ZEB1: variants seen among roughly 807,000 people sequenced by gnomAD.
ZEB1 encodes the protein zinc finger E-box binding homeobox 1, also known as zinc finger E-box-binding homeobox 1.
ZEB1 carries 21 observed loss-of-function variants against 84.9 expected under a neutral mutation model. The observed-to-expected ratio is 0.25, with a 90% CI of 0.18 to 0.36. The LOEUF is 0.36. ZEB1 is among the 10% of genes least tolerant of loss of function. ZEB1 has a pLI of 1.00. For synonymous variants in ZEB1, 420 were observed against 471.1 expected, an observed-to-expected ratio of 0.89 and a Z score of 1.41; for missense variants, 1,104 against 1,330.2, an observed-to-expected ratio of 0.83 and a Z score of 2.65.
At chr10:31,440,993 A>G (rs1373917052) in intron 1 of ZEB1, among the ~76,000 whole-genome samples, 22 of 152,212 alleles carry the variant, frequency 1.4e-4, no homozygotes, top group Admixed American at 2.0e-4. Flanking sequence ...AAGGTAATTT[A>G]TAGATTCAAT....
intron 1 of ZEB1, among the ~76,000 whole-genome samples, chr10:31,443,838 G>A (rs1022564104): frequency 4.0e-5 from 6 of 151,192 alleles, no homozygotes; most frequent in Admixed American, 3.9e-4. Flanking sequence ...TTGGCTCCAA[G>A]TCTTTGCTAT....
At chr10:31,506,339 A>T (rs1403746340) in intron 4 of ZEB1, among the ~76,000 whole-genome samples, 1 of 151,974 alleles carries the variant, frequency 6.6e-6, no homozygotes, top group Non-Finnish European at 1.5e-5. Context: ...TTTCTACATG[A>T]TCTGTCTAAT....
At chr10:31,348,695 T>G (rs2040779199) in intron 1 of ZEB1, among the ~76,000 whole-genome samples, 1 of 152,192 alleles carries the variant, frequency 6.6e-6, no homozygotes, top group Non-Finnish European at 1.5e-5. Flanking sequence ...GTGTGTAACT[T>G]TCCAAAAGAA....
At chr10:31,319,152 A>T, upstream of ZEB1, 1 of 276,666 alleles carries the variant, frequency 3.6e-6, no homozygotes, top group Non-Finnish European at 5.6e-6. Flanking sequence ...GGGAGGGGGG[A>T]GGGGTGGAGG....
chr10:31,419,323 G>A (rs544306758), intron 1 of ZEB1, among the ~76,000 whole-genome samples: 1 of 152,212 alleles, frequency 6.6e-6, no homozygotes, highest in South Asian at 2.1e-4. Context: ...GGAGAGGGAG[G>A]TAGAACCCAG....
At chr10:31,328,203 C>T (rs755658572) in intron 1 of ZEB1, among the ~76,000 whole-genome samples, 1 of 152,084 alleles carries the variant, frequency 6.6e-6, no homozygotes, top group Non-Finnish European at 1.5e-5. Flanking sequence ...ATGTCTAATG[C>T]ATCAGGAGTT....
intron 3 of ZEB1, among the ~76,000 whole-genome samples, chr10:31,497,805 A>T (rs2067461634): frequency 6.6e-6 from 1 of 152,108 alleles, no homozygotes; most frequent in South Asian, 2.1e-4. Flanking sequence ...CATTGAAAAC[A>T]TCCTTTGTTC....
chr10:31,481,491 G>A (rs2065034556), intron 2 of ZEB1, among the ~76,000 whole-genome samples: 1 of 151,882 alleles, frequency 6.6e-6, no homozygotes, highest in African/African-American at 2.4e-5. Context: ...AGAATAGTAA[G>A]TACACATAAA....
intron 1 of ZEB1, among the ~76,000 whole-genome samples, chr10:31,387,522 T>G (rs1011508420): frequency 6.6e-5 from 10 of 152,214 alleles, no homozygotes; most frequent in African/African-American, 2.4e-4. Context: ...CCTTCCAGTT[T>G]AGTCTGCATT....
intron 1 of ZEB1, among the ~76,000 whole-genome samples, chr10:31,423,042 GTA>G: frequency 6.6e-6 from 1 of 151,420 alleles, no homozygotes; most frequent in African/African-American, 2.4e-5. Flanking sequence ...TGGTGTGTGT[GTA>G]TATATATATA....
chr10:31,399,410 G>C (rs1180617102), intron 1 of ZEB1, among the ~76,000 whole-genome samples: 1 of 152,070 alleles, frequency 6.6e-6, no homozygotes, highest in Non-Finnish European at 1.5e-5. Flanking sequence ...CTTTTAATCA[G>C]CCTTGGTGTC....
chr10:31,457,208 A>T (rs2137286951), intron 1 of ZEB1, among the ~76,000 whole-genome samples: 1 of 152,256 alleles, frequency 6.6e-6, no homozygotes, highest in Non-Finnish European at 1.5e-5. Flanking sequence ...GGGTATAGAG[A>T]TCATTGGACA....
chr10:31,427,488 C>T (rs2057100520), intron 1 of ZEB1, among the ~76,000 whole-genome samples: 1 of 152,234 alleles, frequency 6.6e-6, no homozygotes, highest in Non-Finnish European at 1.5e-5. Context: ...TTCTCTCCCC[C>T]CACCTCCCTT....
upstream of ZEB1, chr10:31,319,077 G>A: frequency 1.5e-6 from 1 of 668,238 alleles, no homozygotes; most frequent in Non-Finnish European, 2.7e-6. Flanking sequence ...GCCGTAGAGC[G>A]AGAGCCTCTA....
chr10:31,403,521 A>C (rs190960133), intron 1 of ZEB1, among the ~76,000 whole-genome samples: 1 of 152,078 alleles, frequency 6.6e-6, no homozygotes, highest in Non-Finnish European at 1.5e-5. Flanking sequence ...TAGAGTGTCA[A>C]CATATTCAAT....
chr10:31,392,541 G>C (rs2049942096), intron 1 of ZEB1, among the ~76,000 whole-genome samples: 1 of 152,004 alleles, frequency 6.6e-6, no homozygotes, highest in Admixed American at 6.6e-5. Context: ...TTTAGAAATG[G>C]TAAGTAAGCA....
chr10:31,377,300 G>A (rs1415855909), intron 1 of ZEB1, among the ~76,000 whole-genome samples: 1 of 151,510 alleles, frequency 6.6e-6, no homozygotes, highest in South Asian at 2.1e-4. Flanking sequence ...AGGCTCTAGG[G>A]AGACAAGAGC....
chr10:31,342,865 A>T (rs989240807), intron 1 of ZEB1, among the ~76,000 whole-genome samples: 3 of 152,160 alleles, frequency 2.0e-5, no homozygotes, highest in Admixed American at 6.5e-5. Flanking sequence ...TTTACCTGAC[A>T]TGCCAGCTCT....
chr10:31,514,851 T>C, intron 6 of ZEB1, 143 bp downstream of exon 6: 2 of 672,836 alleles, frequency 3.0e-6, no homozygotes, highest in Admixed American at 2.8e-5. Flanking sequence ...ATTTTATGTT[T>C]ATTTTATGTT....
Sources: gnomAD v4.1 joint callset for allele counts (sites outside exome capture counted in the v4.1 genomes callset) on GRCh38, gnomAD v4.1.1 for gene constraint, MANE v1.5 for transcripts, NCBI Gene and HGNC (gene_info 2026-07-23, HGNC 2026-07-21) for gene names.